The following SMG1 variants were observed in gnomAD, a reference collection of about 807,000 sequenced individuals.
The protein encoded by SMG1 is serine/threonine-protein kinase SMG1.
SMG1 carries 22 observed loss-of-function variants against 419.9 expected under a neutral mutation model. The ratio of observed to expected loss-of-function variants is 0.05; its 90% confidence interval spans 0.04 to 0.07. The LOEUF is 0.07. Among genes scored for constraint, SMG1 ranks in the 10% least tolerant of loss-of-function variants. The pLI is 1.00. For synonymous variants in SMG1, 1,538 were observed against 1,553.5 expected, an observed-to-expected ratio of 0.99 and a Z score of 0.23; for missense variants, 3,185 against 4,342.0, an observed-to-expected ratio of 0.73 and a Z score of 7.49.
chr16:18,818,502 G>A (rs1225443417), intron 56 of SMG1, among the ~76,000 whole-genome samples: 1 of 152,092 alleles, frequency 6.6e-6, no homozygotes, highest in East Asian at 1.9e-4. Flanking sequence ...TGAGCAGCTA[G>A]AGCTAAAGGG....
chr16:18,886,465 T>C (rs2036616352), intron 6 of SMG1, among the ~76,000 whole-genome samples: 1 of 152,146 alleles, frequency 6.6e-6, no homozygotes, highest in Non-Finnish European at 1.5e-5. Flanking sequence ...GGAAAAGCTC[T>C]GCTTTACATA....
chr16:18,871,468 G>A lies in SMG1; in HGVS notation c.2198C>T (p.Thr733Ile), dbSNP rs763946718. The change falls in exon 16 of 63, where the codon ACT (threonine) becomes ATT (isoleucine). Residue 733 changes from threonine (T) to isoleucine (I), a missense_variant. Transcript: ENST00000446231. ...TAAAACAGCTGCTTCCAAAGCCCAA[G>A]TCATTAACAGTTTCCTGAAACACAA... is the stretch of plus-strand genomic sequence containing the variant. Reference protein sequence around the residue: ...LNQDTRKLLMTWALEAAVLMK... With the variant: ...LNQDTRKLLMIWALEAAVLMK... The A allele has an allele frequency of 6.3e-7, 1 of 1,577,870 alleles. No individual in the cohort carries two copies. Among genetic ancestry groups the A allele is most frequent in the South Asian group, 1.2e-5 (1 of 85,156 alleles).
chr16:18,836,963 T>C (rs2033619031), intron 46 of SMG1, among the ~76,000 whole-genome samples: 1 of 152,236 alleles, frequency 6.6e-6, no homozygotes, highest in Non-Finnish European at 1.5e-5. Flanking sequence ...AGATACATAA[T>C]GGTAATGAGA....
intron 23 of SMG1, 113 bp downstream of exon 23, chr16:18,866,508 C>T: frequency 2.2e-6 from 2 of 919,002 alleles, no homozygotes. Flanking sequence ...TAGCAAGCTT[C>T]AATGCTGAAA....
At position 18,882,194 on chromosome 16, in the gene SMG1, G is replaced by T; in HGVS notation, c.1264C>A (p.Pro422Thr). The change falls in exon 10 of 63, where the codon CCT (proline) becomes ACT (threonine). Residue 422 changes from proline (P) to threonine (T), a missense_variant. Physicochemically the swap from Pro to Thr is conservative, Grantham distance 38 (BLOSUM62 -1). Coordinates refer to ENST00000446231, the MANE Select transcript of SMG1 (RefSeq NM_015092.5). ...IGERFSPIRGPPITEAYVTDV... is the reference protein window; with the variant it reads ...IGERFSPIRGTPITEAYVTDV... ...GTTACATATGCCTCAGTAATTGGAG[G>T]ACCCCGAATTGGGCTGAAGCGTTCC... is the stretch of plus-strand genomic sequence containing the variant. 1.3e-6 allele frequency: 2 copies of T among 1,581,830 alleles called. No individual in the cohort carries two copies. Among genetic ancestry groups the T allele is most frequent in the Middle Eastern group, 2.3e-4 (1 of 4,332 alleles).
At chr16:18,809,749 G>C (rs149981151) in intron 62 of SMG1, 103 bp from the exon 63 acceptor site, 4 of 806,628 alleles carry the variant, frequency 5.0e-6, no homozygotes, top group Non-Finnish European at 8.3e-6. Flanking sequence ...AAGTGCAAAG[G>C]ACTCTATACT....
intron 1 of SMG1, among the ~76,000 whole-genome samples, chr16:18,915,216 G>A (rs530826994): frequency 2.4e-4 from 37 of 152,080 alleles, no homozygotes; most frequent in South Asian, 6.2e-4. Context: ...CTCATGATCC[G>A]CCCACCTCGG....
chr16:18,882,081 A>G (rs1277311761), intron 10 of SMG1, 84 bp downstream of exon 10: 1 of 907,582 alleles, frequency 1.1e-6, no homozygotes, highest in Non-Finnish European at 1.6e-6. Flanking sequence ...AGGATTAATA[A>G]CAGTTCACCA....
chr16:18,908,741 G>T (rs184136570), intron 1 of SMG1, among the ~76,000 whole-genome samples: 5 of 152,032 alleles, frequency 3.3e-5, no homozygotes, highest in Admixed American at 2.6e-4. Context: ...TTAGCCAGGC[G>T]TGGTGGCAGG....
In SMG1 at chr16:18,874,866, CAAAAAAAAAAAAAAAAA is replaced by C. The variant is rs148468415; in HGVS notation, c.1890+1241_1890+1257del. ...AGGCGACAACAGCATGACTCTGTCT[CAAAAAAAAAAAAAAAAA>C]AAAAAAAAAAAAAAAAAGCCTTTTT... On this transcript the variant is annotated intron_variant, in intron 13 of 62. Coordinates refer to ENST00000446231, the MANE Select transcript of SMG1 (RefSeq NM_015092.5). Among the ~76,000 whole-genome samples, 250 of 49,658 alleles carry C rather than the reference CAAAAAAAAAAAAAAAAA, an allele frequency of 5.0e-3. 2 individuals carry two copies. Among genetic ancestry groups the C allele is most frequent in the African/African-American group, 0.017 (204 of 12,220 alleles). The allele number at this position is 49,658 out of a possible 152,430, so 32.6% of individuals were successfully genotyped here.
At chr16:18,810,538 T>G (rs2031287832) in intron 62 of SMG1, among the ~76,000 whole-genome samples, 1 of 152,172 alleles carries the variant, frequency 6.6e-6, no homozygotes, top group Non-Finnish European at 1.5e-5. Context: ...TATCGGGGTA[T>G]TAAATGCATT....
At position 18,926,138 on chromosome 16, in the gene SMG1, G is replaced by A. The variant is rs2038396939; in HGVS notation, c.-97C>T. 4.4e-6 allele frequency: 5 copies of A among 1,134,836 alleles called. No individual in the cohort carries two copies. The highest frequency in any genetic ancestry group is 5.5e-5 in the Admixed American group (2 of 36,182). The allele number at this position is 1,134,836 out of a possible 1,614,324, so 70.3% of individuals were successfully genotyped here. The stretch of plus-strand genomic sequence containing the variant: ...CGCCGACACCCCGCTCCGGCCCGGG[G>A]CTGAGGAGGAAGCCGAGAAGGAGGA... On this transcript the variant is annotated 5_prime_UTR_variant, in exon 1 of 63. Coordinates refer to ENST00000446231, the MANE Select transcript of SMG1 (RefSeq NM_015092.5).
In SMG1 at chr16:18,845,808, A is replaced by T. The variant is rs528719811; in HGVS notation, c.5997-157T>A. ...ATATTCACAAAGTAAATTACTAACA[A>T]AGAATTTTTGGTTTTGTTTTTTTTT... On this transcript the variant is annotated intron_variant, in intron 38 of 62. Coordinates refer to ENST00000446231, the MANE Select transcript of SMG1 (RefSeq NM_015092.5). 2.6e-5 allele frequency among the ~76,000 whole-genome samples: 4 copies of T among 152,068 alleles called. No homozygotes were observed. The East Asian group carries it at 7.7e-4, about 29-fold the overall frequency.
chr16:18,868,771 A>C, intron 20 of SMG1, 52 bp from the exon 21 acceptor site: 2 of 782,350 alleles, frequency 2.6e-6, no homozygotes, highest in Non-Finnish European at 4.0e-6. Flanking sequence ...AAGTTCCTAG[A>C]ATAAGTGTGA....
intron 1 of SMG1, among the ~76,000 whole-genome samples, chr16:18,922,775 C>T (rs1207617594): frequency 2.0e-5 from 3 of 151,976 alleles, no homozygotes; most frequent in South Asian, 2.1e-4. Flanking sequence ...CCACTGCCCC[C>T]GGCCTGCTTA....
chr16:18,926,305 C>A lies in SMG1; in HGVS notation c.-264G>T. ...AGAGAGGCGGATGAAGGGGAGGCGACGTCTTTTCCAGGGCCGTGCGCGGCC... is the reference window on the plus strand; with the variant it reads ...AGAGAGGCGGATGAAGGGGAGGCGAAGTCTTTTCCAGGGCCGTGCGCGGCC... On this transcript the variant is annotated 5_prime_UTR_variant, in exon 1 of 63. Coordinates refer to ENST00000446231, the MANE Select transcript of SMG1 (RefSeq NM_015092.5). The A allele has an allele frequency of 2.1e-6, 1 of 485,732 alleles. No individual in the cohort carries two copies. The highest frequency in any genetic ancestry group is 2.7e-5 in the South Asian group (1 of 36,594). 30.1% of individuals were successfully genotyped at this position (485,732 alleles called of 1,614,324 possible).
intron 3 of SMG1, among the ~76,000 whole-genome samples, chr16:18,894,813 TTC>T (rs1275026018): frequency 6.6e-6 from 1 of 151,948 alleles, no homozygotes. Flanking sequence ...CCTCTGAACT[TTC>T]TTTTTTGTTG....
At chr16:18,881,401 A>G (rs1015169910) in intron 10 of SMG1, among the ~76,000 whole-genome samples, 8 of 152,224 alleles carry the variant, frequency 5.3e-5, no homozygotes, top group African/African-American at 1.9e-4. Flanking sequence ...TTTCTGCTCA[A>G]GTACGCAACT....
At chr16:18,921,072 G>A (rs762410385) in intron 1 of SMG1, among the ~76,000 whole-genome samples, 32 of 151,300 alleles carry the variant, frequency 2.1e-4, no homozygotes, top group Non-Finnish European at 4.4e-4. Flanking sequence ...AGGAGGTGGA[G>A]GTTACAAGTG....
Sources: allele counts gnomAD v4.1 joint callset (sites outside exome capture counted in the v4.1 genomes callset), GRCh38; gene constraint gnomAD v4.1.1; transcripts MANE v1.5; gene names NCBI Gene and HGNC (gene_info 2026-07-23, HGNC 2026-07-21).